The following CACNB2 variants were observed in gnomAD, a reference collection of about 807,000 sequenced individuals.
CACNB2 encodes voltage-dependent L-type calcium channel subunit beta-2.
Under a neutral mutation model 73.3 loss-of-function variants are expected in CACNB2, and 42 were observed. That is an observed-to-expected ratio of 0.57 (90% CI 0.45 to 0.74). CACNB2 has a LOEUF of 0.74. Ranked by LOEUF, CACNB2 falls within the 30% of genes least tolerant of loss-of-function variation. The probability of loss-of-function intolerance (pLI) is 0.00; values close to 1 mark genes in which losing one functional copy is unlikely to be tolerated. For synonymous variants in CACNB2, 348 were observed against 310.3 expected (o/e 1.12, Z -1.28); for missense variants, 940 against 853.0 (o/e 1.10, Z -1.27).
Position 18,226,626 on chromosome 10 carries a change from C to A in CACNB2, c.213+75651C>A, listed in dbSNP as rs1473033450. 2.0e-5 allele frequency among the ~76,000 whole-genome samples: 3 copies of A among 152,270 alleles called. No individual in the cohort carries two copies. In the East Asian group the frequency reaches 5.8e-4, roughly 29 times the overall value. ...CTTCTTGAGATTCATGAGCGTGTGG[C>A]CGTATGATCACTAATGAATTAACTC... is the stretch of plus-strand genomic sequence containing the variant. On this transcript the variant is annotated intron_variant, in intron 2 of 13. Transcript: ENST00000324631.
At chr10:18,447,705 T>A (rs2046802892) in intron 3 of CACNB2, among the ~76,000 whole-genome samples, 1 of 151,834 alleles carries the variant, frequency 6.6e-6, no homozygotes, top group Non-Finnish European at 1.5e-5. Flanking sequence ...TTAAGAAATC[T>A]TGGAGTGACT....
chr10:18,447,718 GAA>G (rs997271068), intron 3 of CACNB2, among the ~76,000 whole-genome samples: 2 of 140,996 alleles, frequency 1.4e-5, no homozygotes, highest in African/African-American at 2.6e-5. Flanking sequence ...GAGTGACTTT[GAA>G]AAAAAAAAAG....
chr10:18,313,440 C>T (rs2040036819), intron 2 of CACNB2, among the ~76,000 whole-genome samples: 1 of 151,544 alleles, frequency 6.6e-6, no homozygotes, highest in East Asian at 1.9e-4. Context: ...CAGATGTCTC[C>T]TGGGAAAGGC....
intron 2 of CACNB2, among the ~76,000 whole-genome samples, chr10:18,285,327 TTCTTGGGATGCTGTC>T (rs2038740538): frequency 6.6e-6 from 1 of 152,188 alleles, no homozygotes; most frequent in Admixed American, 6.5e-5. Context: ...GGAATGCTTG[TTCTTGGGATGCTGTC>T]TCTTGGAACC....
chr10:18,374,987 A>T (rs1028073856), intron 2 of CACNB2, among the ~76,000 whole-genome samples: 2 of 152,160 alleles, frequency 1.3e-5, no homozygotes, highest in East Asian at 1.9e-4. Flanking sequence ...CTAAGGAGAA[A>T]GTTCTACTTT....
intron 3 of CACNB2, among the ~76,000 whole-genome samples, chr10:18,430,519 A>G (rs1383677758): frequency 2.6e-5 from 4 of 152,156 alleles, no homozygotes; most frequent in South Asian, 2.1e-4. Context: ...AGTTCCAGGT[A>G]TGTGGGAGGC....
intron 2 of CACNB2, among the ~76,000 whole-genome samples, chr10:18,337,093 G>T (rs1404029786): frequency 2.6e-5 from 4 of 151,750 alleles, no homozygotes; most frequent in Non-Finnish European, 5.9e-5. Flanking sequence ...TTTTTCTTTT[G>T]CTTTTTGCTT....
At chr10:18,165,572 C>T (rs2032794950) in intron 2 of CACNB2, among the ~76,000 whole-genome samples, 2 of 152,194 alleles carry the variant, frequency 1.3e-5, no homozygotes, top group African/African-American at 2.4e-5. Flanking sequence ...GTCACCATGC[C>T]CAGCTAATTT....
intron 2 of CACNB2, among the ~76,000 whole-genome samples, chr10:18,329,504 G>GTAAAAAAAAA (rs2040714796): frequency 8.9e-6 from 1 of 112,510 alleles, no homozygotes; most frequent in Admixed American, 9.3e-5. Flanking sequence ...AGTAAAAAAA[G>GTAAAAAAAAA]AAAAAAAAAA....
chr10:18,185,092 G>A lies in CACNB2; in HGVS notation c.213+34117G>A, dbSNP rs542188597. ...GGGCTCAAGCAATCCTCCCACCTTGGCCCATCCCAAAGTACTGGGATTATA... is the reference window on the plus strand; with the variant it reads ...GGGCTCAAGCAATCCTCCCACCTTGACCCATCCCAAAGTACTGGGATTATA... On this transcript the variant is annotated intron_variant, in intron 2 of 13. Transcript: ENST00000324631. Among the ~76,000 whole-genome samples the A allele has an allele frequency of 1.1e-4, 17 of 152,120 alleles. No homozygotes were observed. The East Asian group carries it at 2.1e-3, about 19-fold the overall frequency.
intron 3 of CACNB2, among the ~76,000 whole-genome samples, chr10:18,454,242 C>A (rs986183066): frequency 2.6e-5 from 4 of 152,216 alleles, no homozygotes; most frequent in Non-Finnish European, 5.9e-5. Context: ...AAGGGTCCAA[C>A]AGAAAATGAT....
chr10:18,158,953 G>A (rs1264717426), intron 2 of CACNB2, among the ~76,000 whole-genome samples: 3 of 152,146 alleles, frequency 2.0e-5, no homozygotes, highest in Non-Finnish European at 4.4e-5. Flanking sequence ...TTTGATGAGG[G>A]GGGAGGTAGA....
In CACNB2 at chr10:18,500,819, A is replaced by G. The variant is rs1211442434; in HGVS notation, c.464A>G (p.Asn155Ser). The part of the protein sequence containing the change: ...KDFLHVKEKF[N>S]NDWWIGRLVK... The stretch of plus-strand genomic sequence containing the variant: ...TTTTGATTTTGTGTTTAGAAATTTA[A>G]CAATGACTGGTGGATAGGGCGATTG... Residue 155 changes from asparagine to serine, a missense_variant, in exon 5 of 14, where the codon AAC (asparagine) becomes AGC (serine). Asn to Ser is a conservative substitution (Grantham distance 46, BLOSUM62 1). Coordinates refer to ENST00000324631, the MANE Select transcript of CACNB2 (RefSeq NM_201596.3). The G allele has an allele frequency of 6.2e-7, 1 of 1,613,962 alleles. No homozygotes were observed. The highest frequency in any genetic ancestry group is 2.2e-5 in the East Asian group (1 of 44,876).
At chr10:18,530,330 G>T (rs955031455) in intron 10 of CACNB2, among the ~76,000 whole-genome samples, 2 of 152,078 alleles carry the variant, frequency 1.3e-5, no homozygotes, top group African/African-American at 4.8e-5. Context: ...AGGACACAAA[G>T]TCCTCTTTCT....
chr10:18,258,762 A>C (rs2037395728), intron 2 of CACNB2, among the ~76,000 whole-genome samples: 1 of 152,138 alleles, frequency 6.6e-6, no homozygotes, highest in Admixed American at 6.5e-5. Flanking sequence ...AAACAAAAAA[A>C]AACTTGAATT....
At chr10:18,332,751 G>T (rs1410863560) in intron 2 of CACNB2, among the ~76,000 whole-genome samples, 2 of 152,142 alleles carry the variant, frequency 1.3e-5, no homozygotes, top group African/African-American at 2.4e-5. Flanking sequence ...TGTGGAAATT[G>T]TATTAAGGAG....
Position 18,184,157 on chromosome 10 carries a change from C to T in CACNB2, c.213+33182C>T, listed in dbSNP as rs76257031. On this transcript the variant is annotated intron_variant, in intron 2 of 13. Coordinates refer to ENST00000324631, the MANE Select transcript of CACNB2 (RefSeq NM_201596.3). ...ATTCACTCTAAACTTACCCCAATGC[C>T]AGACCTATGGTAGATGATCAGTTTA... 6.3e-3 allele frequency among the ~76,000 whole-genome samples: 954 copies of T among 152,232 alleles called. 36 individuals carry two copies. The East Asian group carries it at 0.11, about 17-fold the overall frequency.
At chr10:18,170,691 T>C (rs906642764) in intron 2 of CACNB2, among the ~76,000 whole-genome samples, 1 of 152,220 alleles carries the variant, frequency 6.6e-6, no homozygotes, top group African/African-American at 2.4e-5. Context: ...CTAAATCAAA[T>C]TTTTATAGTC....
chr10:18,300,901 C>T (rs937517768), intron 2 of CACNB2, among the ~76,000 whole-genome samples: 2 of 152,008 alleles, frequency 1.3e-5, no homozygotes, highest in African/African-American at 4.8e-5. Context: ...GCATTGACTT[C>T]TGGGAAAAAA....
Sources: gnomAD v4.1 joint callset for allele counts (sites outside exome capture counted in the v4.1 genomes callset) on GRCh38, gnomAD v4.1.1 for gene constraint, MANE v1.5 for transcripts, NCBI Gene and HGNC (gene_info 2026-07-23, HGNC 2026-07-21) for gene names.